Variants in AMPH observed in about 807,000 individuals in gnomAD.
The protein encoded by AMPH is amphiphysin (Stiff-Mann syndrome with breast cancer 128kD autoantigen).
In AMPH, 49 loss-of-function variants were observed where a neutral mutation model predicts 99.1. That is an observed-to-expected ratio of 0.49 (90% CI 0.39 to 0.63). AMPH has a LOEUF of 0.63. AMPH is among the 20% of genes least tolerant of loss of function. The pLI is 0.00. For synonymous variants in AMPH, 314 were observed against 317.3 expected, an observed-to-expected ratio of 0.99 and a Z score of 0.11; for missense variants, 759 against 863.4, an observed-to-expected ratio of 0.88 and a Z score of 1.52.
chr7:38,578,217 C>T (rs1051898429), intron 1 of AMPH, among the ~76,000 whole-genome samples: 2 of 152,118 alleles, frequency 1.3e-5, no homozygotes, highest in East Asian at 1.9e-4. Context: ...GGTTCCAGTA[C>T]CCACTGAACA....
intron 1 of AMPH, among the ~76,000 whole-genome samples, chr7:38,596,859 C>T (rs200163266): frequency 1.5e-5 from 1 of 66,508 alleles, no homozygotes; most frequent in African/African-American, 4.8e-5. Context: ...ATGCATTTAT[C>T]TCTCTGTTTT....
chr7:38,486,033 C>A (rs555838412), intron 5 of AMPH, among the ~76,000 whole-genome samples: 1 of 151,774 alleles, frequency 6.6e-6, no homozygotes, highest in South Asian at 2.1e-4. Flanking sequence ...AACTCTACAT[C>A]TCAAGGAACT....
chr7:38,496,790 T>G (rs1788949286), intron 3 of AMPH, among the ~76,000 whole-genome samples: 1 of 152,168 alleles, frequency 6.6e-6, no homozygotes, highest in Non-Finnish European at 1.5e-5. Flanking sequence ...GCCAAAAAAC[T>G]TCTGGCATTT....
chr7:38,444,845 G>C (rs1786694758), intron 11 of AMPH, among the ~76,000 whole-genome samples: 1 of 151,730 alleles, frequency 6.6e-6, no homozygotes, highest in African/African-American at 2.4e-5. Context: ...CTCTGAAAAA[G>C]AACAAAGTTG....
chr7:38,566,456 C>A (rs1214558406), intron 1 of AMPH, among the ~76,000 whole-genome samples: 1 of 151,978 alleles, frequency 6.6e-6, no homozygotes, highest in Non-Finnish European at 1.5e-5. Flanking sequence ...AGAAGAAAAC[C>A]TAGGCAATAC....
intron 7 of AMPH, 119 bp downstream of exon 7, chr7:38,475,212 G>T: frequency 1.5e-6 from 1 of 670,188 alleles, no homozygotes; most frequent in Non-Finnish European, 2.6e-6. Flanking sequence ...CGCAGATAAA[G>T]AACACTTTCA....
rs749289574 is a variant in AMPH at position 38,417,918 on chromosome 7, T to C, written c.1305A>G (p.Pro435=). The C allele has an allele frequency of 1.2e-6, 2 of 1,614,036 alleles. No individual in the cohort carries two copies. Among genetic ancestry groups the C allele is most frequent in the African/African-American group, 2.7e-5 (2 of 74,944 alleles). Residue 435 remains proline (P), a synonymous_variant, in exon 17 of 21, where the codon CCA becomes CCG. Coordinates refer to ENST00000356264, the MANE Select transcript of AMPH (RefSeq NM_001635.4). Reference sequence around the variant, plus strand: ...CAGCAGCCAGAGGCTCCTCTGCTTTTGGCTCTGTGGGTGGAGCCTGTTCAG... The same window carrying C: ...CAGCAGCCAGAGGCTCCTCTGCTTTCGGCTCTGTGGGTGGAGCCTGTTCAG... The part of the protein sequence containing the change: ...AESEQAPPTE[P]KAEEPLAAVT...
At chr7:38,478,095 C>A (rs1156274236) in intron 5 of AMPH, among the ~76,000 whole-genome samples, 1 of 151,622 alleles carries the variant, frequency 6.6e-6, no homozygotes, top group African/African-American at 2.4e-5. Context: ...AACAAAACAA[C>A]AACAACAAAA....
intron 7 of AMPH, among the ~76,000 whole-genome samples, chr7:38,469,521 C>T (rs1787801012): frequency 6.6e-6 from 1 of 152,108 alleles, no homozygotes; most frequent in African/African-American, 2.4e-5. Context: ...AGGAGGCAAC[C>T]CTTGCTGTCC....
chr7:38,487,739 C>T lies in AMPH; in HGVS notation c.396+3311G>A, dbSNP rs144633158. Among the ~76,000 whole-genome samples the T allele has an allele frequency of 1.6e-3, 238 of 152,090 alleles. 2 individuals carry two copies. The highest frequency in any genetic ancestry group is 5.5e-3 in the African/African-American group (230 of 41,508). ...ACTATCATCAGAGTAAACAGACAAC[C>T]TACAGAATAGGAGAAAAATTTTGCA... On this transcript the variant is annotated intron_variant, in intron 5 of 20. Coordinates refer to ENST00000356264, the MANE Select transcript of AMPH (RefSeq NM_001635.4).
At chr7:38,416,308 G>A (rs1233330000) in intron 17 of AMPH, among the ~76,000 whole-genome samples, 1 of 151,928 alleles carries the variant, frequency 6.6e-6, no homozygotes, top group East Asian at 1.9e-4. Flanking sequence ...TCAACATTCA[G>A]CCGTATTGAA....
At chr7:38,566,819 C>T (rs757963231) in intron 1 of AMPH, among the ~76,000 whole-genome samples, 1 of 152,166 alleles carries the variant, frequency 6.6e-6, no homozygotes, top group Non-Finnish European at 1.5e-5. Flanking sequence ...CAGAGAAATG[C>T]AAATCAAAAC....
intron 3 of AMPH, among the ~76,000 whole-genome samples, chr7:38,496,062 C>T (rs368626912): frequency 2.9e-4 from 44 of 152,058 alleles, no homozygotes; most frequent in African/African-American, 8.2e-4. Context: ...TTTGTCACTA[C>T]GGGGGATAAA....
At chr7:38,433,284 T>C (rs1786111755) in intron 12 of AMPH, among the ~76,000 whole-genome samples, 1 of 152,232 alleles carries the variant, frequency 6.6e-6, no homozygotes, top group Admixed American at 6.5e-5. Flanking sequence ...GCAGCCTGCC[T>C]GGTCTCTTGC....
chr7:38,453,353 C>T (rs1288439754), intron 11 of AMPH, among the ~76,000 whole-genome samples: 2 of 152,288 alleles, frequency 1.3e-5, no homozygotes, highest in South Asian at 4.1e-4. Flanking sequence ...TGGGGTTATG[C>T]ATAAAGCACT....
chr7:38,629,886 T>G (rs896969923), intron 1 of AMPH, among the ~76,000 whole-genome samples: 1 of 152,214 alleles, frequency 6.6e-6, no homozygotes, highest in African/African-American at 2.4e-5. Context: ...AGGATCACTT[T>G]AGTTCAGGAT....
chr7:38,502,532 T>C (rs1057471293), intron 3 of AMPH, among the ~76,000 whole-genome samples: 12 of 152,170 alleles, frequency 7.9e-5, no homozygotes, highest in African/African-American at 2.9e-4. Context: ...ATTGAGGCCA[T>C]GTGTTTTGGG....
intron 1 of AMPH, among the ~76,000 whole-genome samples, chr7:38,592,836 G>A (rs574412977): frequency 6.6e-6 from 1 of 152,138 alleles, no homozygotes; most frequent in East Asian, 1.9e-4. Context: ...TCAATAAAGA[G>A]GAAATAGCAA....
chr7:38,487,944 T>G (rs1375539595), intron 5 of AMPH, among the ~76,000 whole-genome samples: 1 of 152,106 alleles, frequency 6.6e-6, no homozygotes, highest in East Asian at 1.9e-4. Context: ...CATTGGTCAT[T>G]AGAGAAATGC....
Sources: gnomAD v4.1 joint callset for allele counts (sites outside exome capture counted in the v4.1 genomes callset) on GRCh38, gnomAD v4.1.1 for gene constraint, MANE v1.5 for transcripts, NCBI Gene and HGNC (gene_info 2026-07-23, HGNC 2026-07-21) for gene names.